Variants in CSTL1 observed in about 807,000 individuals in gnomAD.
The protein encoded by CSTL1 is cystatin like 1.
In CSTL1, 14 loss-of-function variants were observed where a neutral mutation model predicts 14.4. The observed-to-expected ratio is 0.97, with a 90% CI of 0.64 to 1.52. The LOEUF (loss-of-function observed/expected upper bound fraction) is 1.52, where lower values mean the gene tolerates loss of function less well. Among genes scored for constraint, CSTL1 ranks in the 40% most tolerant of loss-of-function variants. The probability of loss-of-function intolerance (pLI) is 0.00; values close to 1 mark genes in which losing one functional copy is unlikely to be tolerated. For synonymous variants in CSTL1, 72 were observed against 67.5 expected (o/e 1.07, Z -0.33); for missense variants, 170 against 168.7 (o/e 1.01, Z -0.04).
At chr20:23,452,910 C>A in the CSTL1 span, 175 of 893,770 alleles carry the variant, frequency 2.0e-4, no homozygotes, top group Non-Finnish European at 2.6e-4. Flanking sequence ...TTAAGAGCAG[C>A]TGGTGGTGGA....
downstream of CSTL1, among the ~76,000 whole-genome samples, chr20:23,448,111 T>C (rs976041264): frequency 6.6e-6 from 1 of 152,184 alleles, no homozygotes; most frequent in African/African-American, 2.4e-5. Flanking sequence ...TCTGTGGTGA[T>C]TTCTGAGATT....
the CSTL1 span, among the ~76,000 whole-genome samples, chr20:23,459,841 C>T: frequency 1.3e-5 from 2 of 152,194 alleles, no homozygotes; most frequent in African/African-American, 2.4e-5. Context: ...CCTTCCAGCC[C>T]ACTCTTCACT....
intron 2 of CSTL1, chr20:23,442,253 A>G (rs1986851681): frequency 6.6e-6 from 1 of 152,140 alleles, no homozygotes; most frequent in Non-Finnish European, 1.5e-5. Context: ...CTTACACCTC[A>G]CAGAGGGGAC....
At chr20:23,444,469 G>C (rs1391434412) in intron 3 of CSTL1, among the ~76,000 whole-genome samples, 1 of 152,230 alleles carries the variant, frequency 6.6e-6, no homozygotes, top group East Asian at 1.9e-4. Flanking sequence ...GGAGGTGCAG[G>C]AGGAGGTAAC....
At chr20:23,451,935 C>A in the CSTL1 span, 46 of 1,595,656 alleles carry the variant, frequency 2.9e-5, no homozygotes, top group Non-Finnish European at 3.4e-5. Context: ...GGGCGCCAGG[C>A]GTGGGGGAGG....
chr20:23,459,793 T>C, the CSTL1 span, among the ~76,000 whole-genome samples: 1 of 152,302 alleles, frequency 6.6e-6, no homozygotes, highest in South Asian at 2.1e-4. Flanking sequence ...ATTGAATGAA[T>C]AAAATCCTTT....
At chr20:23,443,569 G>C (rs909712649) in intron 2 of CSTL1, among the ~76,000 whole-genome samples, 3 of 152,216 alleles carry the variant, frequency 2.0e-5, no homozygotes, top group South Asian at 4.1e-4. Flanking sequence ...AAGGGACTGG[G>C]GGGGTGGGGA....
At chr20:23,448,977 G>A (rs563568062), downstream of CSTL1, among the ~76,000 whole-genome samples, 11 of 152,320 alleles carry the variant, frequency 7.2e-5, no homozygotes, top group Middle Eastern at 3.4e-3. Context: ...GGCAGTTGGC[G>A]GAGGGAAACC....
the CSTL1 span, chr20:23,450,656 G>T: frequency 8.2e-7 from 1 of 1,212,684 alleles, no homozygotes; most frequent in African/African-American, 1.5e-5. Context: ...GAAGGAAGAG[G>T]ATGTAAGACA....
the CSTL1 span, among the ~76,000 whole-genome samples, chr20:23,455,128 A>G: frequency 6.6e-6 from 1 of 152,340 alleles, no homozygotes; most frequent in Admixed American, 6.5e-5. Flanking sequence ...GGAGAGAAAA[A>G]GACGAAAGGA....
intron 1 of CSTL1, 51 bp from the exon 2 acceptor site, chr20:23,440,093 G>A (rs1986789054): frequency 3.0e-6 from 2 of 663,148 alleles, no homozygotes; most frequent in African/African-American, 3.6e-5. Context: ...AAAATGAACT[G>A]GCTGGAAACT....
the CSTL1 span, chr20:23,450,514 TG>T: frequency 6.2e-7 from 1 of 1,611,590 alleles, no homozygotes; most frequent in South Asian, 1.1e-5. Flanking sequence ...ACCTAGTCAC[TG>T]CTGCAGCTTT....
At chr20:23,445,419 ATTTTTTAAAACACTTT>A (rs564961403), downstream of CSTL1, among the ~76,000 whole-genome samples, 14 of 151,974 alleles carry the variant, frequency 9.2e-5, no homozygotes, top group African/African-American at 2.7e-4. Context: ...TGTCCAGCTA[ATTTTTTAAAACACTTT>A]TTTTGTGGAG....
chr20:23,453,170 G>T, the CSTL1 span, among the ~76,000 whole-genome samples: 7 of 151,896 alleles, frequency 4.6e-5, no homozygotes, highest in African/African-American at 1.7e-4. Context: ...CTGGAGACAC[G>T]GGGAGATTGG....
At chr20:23,451,434 A>G in the CSTL1 span, among the ~76,000 whole-genome samples, 1 of 152,224 alleles carries the variant, frequency 6.6e-6, no homozygotes, top group African/African-American at 2.4e-5. Context: ...GAGAGAGGAC[A>G]GGAGCCCAGC....
chr20:23,450,659 G>A, the CSTL1 span: 4 of 1,174,484 alleles, frequency 3.4e-6, no homozygotes, highest in African/African-American at 4.6e-5. Context: ...GGAAGAGGAT[G>A]TAAGACACGA....
chr20:23,441,905 C>A (rs1428439258), intron 2 of CSTL1, among the ~76,000 whole-genome samples: 2 of 152,148 alleles, frequency 1.3e-5, no homozygotes, highest in African/African-American at 4.8e-5. Context: ...AGAGAACCGG[C>A]AAGGCGGGAG....
the CSTL1 span, among the ~76,000 whole-genome samples, chr20:23,456,861 T>C: frequency 1.3e-5 from 2 of 152,134 alleles, no homozygotes; most frequent in African/African-American, 4.8e-5. Flanking sequence ...CTCTCTGGCC[T>C]CTGGTTCTCC....
chr20:23,450,773 T>C, the CSTL1 span, among the ~76,000 whole-genome samples: 1 of 152,204 alleles, frequency 6.6e-6, no homozygotes, highest in African/African-American at 2.4e-5. Context: ...ATCAAGCGGC[T>C]GAAATCAAAA....
Sources: allele counts gnomAD v4.1 joint callset (sites outside exome capture counted in the v4.1 genomes callset), GRCh38; gene constraint gnomAD v4.1.1; transcripts MANE v1.5; gene names NCBI Gene and HGNC (gene_info 2026-07-23, HGNC 2026-07-21).